Variants in GRIA4 observed in about 807,000 individuals in gnomAD.
GRIA4 encodes glutamate ionotropic receptor AMPA type subunit 4, also known as glutamate receptor 4.
In GRIA4, 34 loss-of-function variants were observed where a neutral mutation model predicts 104.0. The observed-to-expected ratio is 0.33, with a 90% confidence interval of 0.25 to 0.44. The LOEUF is 0.44. GRIA4 is among the 20% of genes least tolerant of loss of function. The probability of loss-of-function intolerance (pLI) is 1.00; values close to 1 mark genes in which losing one functional copy is unlikely to be tolerated. For synonymous variants in GRIA4, 386 were observed against 381.9 expected, an observed-to-expected ratio of 1.01 and a Z score of -0.13; for missense variants, 750 against 1,096.5, an observed-to-expected ratio of 0.68 and a Z score of 4.46.
At chr11:105,733,942 C>T (rs1207963887) in intron 3 of GRIA4, among the ~76,000 whole-genome samples, 1 of 149,918 alleles carries the variant, frequency 6.7e-6, no homozygotes, top group African/African-American at 2.4e-5. Flanking sequence ...TTCCTGTGTT[C>T]ATTTATGTTC....
chr11:105,865,102 T>A (rs772808511), intron 5 of GRIA4, among the ~76,000 whole-genome samples: 40 of 152,234 alleles, frequency 2.6e-4, no homozygotes, highest in Non-Finnish European at 4.7e-4. Flanking sequence ...TTCTTATAAA[T>A]GTATTGCTAT....
At chr11:105,962,545 T>C (rs1948768719) in intron 14 of GRIA4, among the ~76,000 whole-genome samples, 1 of 152,160 alleles carries the variant, frequency 6.6e-6, no homozygotes, top group Non-Finnish European at 1.5e-5. Flanking sequence ...TTGGAAGTTT[T>C]TCAGAAGTCC....
chr11:105,721,867 T>C (rs765427994), intron 3 of GRIA4, among the ~76,000 whole-genome samples: 2 of 152,122 alleles, frequency 1.3e-5, no homozygotes, highest in Non-Finnish European at 2.9e-5. Context: ...TTGCTTTTTG[T>C]AGAAAAACCA....
chr11:105,961,036 G>A (rs956026454), intron 14 of GRIA4, among the ~76,000 whole-genome samples: 1 of 152,068 alleles, frequency 6.6e-6, no homozygotes, highest in African/African-American at 2.4e-5. Flanking sequence ...GCCTCTGAAC[G>A]CCACAGCTTC....
At chr11:105,697,271 A>T (rs1953314493) in intron 3 of GRIA4, among the ~76,000 whole-genome samples, 1 of 152,226 alleles carries the variant, frequency 6.6e-6, no homozygotes. Flanking sequence ...TGAAGAGCTG[A>T]TGAAAGCTAG....
Position 105,806,717 on chromosome 11 carries a change from G to T in GRIA4, c.487+53497G>T, listed in dbSNP as rs1156507880. On this transcript the variant is annotated intron_variant, in intron 4 of 16. Transcript: ENST00000282499. Reference sequence around the variant, plus strand: ...TTTAGTGCCTTATTTGTAAATATTAGTGCACAGCCACTGAGAAATTCAAGA... The same window carrying T: ...TTTAGTGCCTTATTTGTAAATATTATTGCACAGCCACTGAGAAATTCAAGA... Among the ~76,000 whole-genome samples the T allele has an allele frequency of 4.6e-5, 7 of 151,112 alleles. No individual in the cohort carries two copies. In the East Asian group the frequency reaches 1.2e-3, roughly 25 times the overall value.
At chr11:105,625,853 T>A (rs1003843948) in intron 3 of GRIA4, among the ~76,000 whole-genome samples, 1 of 152,160 alleles carries the variant, frequency 6.6e-6, no homozygotes, top group Non-Finnish European at 1.5e-5. Context: ...AGAACATTTT[T>A]AAAAATTCAC....
At chr11:105,862,342 C>T in intron 5 of GRIA4, 134 bp downstream of exon 5, 1 of 613,444 alleles carries the variant, frequency 1.6e-6, no homozygotes. Flanking sequence ...CATTCCATGA[C>T]TATCTTCAGG....
chr11:105,931,681 G>A (rs926538625), intron 13 of GRIA4, among the ~76,000 whole-genome samples: 3 of 151,898 alleles, frequency 2.0e-5, no homozygotes, highest in Non-Finnish European at 4.4e-5. Flanking sequence ...TTTCAGCCTG[G>A]GTGACAGAGC....
chr11:105,832,158 AGT>A lies in GRIA4; in HGVS notation c.488-29864_488-29863del, dbSNP rs1943999827. On this transcript the variant is annotated intron_variant, in intron 4 of 16. Coordinates refer to ENST00000282499, the MANE Select transcript of GRIA4 (RefSeq NM_000829.4). ...AACCCTGCAATGTATGCAACCGAAA[AGT>A]GAGATCCAGTAGAGCATTCTGAGAA... is the stretch of plus-strand genomic sequence containing the variant. 3.3e-5 allele frequency among the ~76,000 whole-genome samples: 5 copies of A among 152,114 alleles called. No homozygotes were observed. The South Asian group carries it at 1.0e-3, about 32-fold the overall frequency.
At chr11:105,610,623 C>T in intron 1 of GRIA4, 195 bp downstream of exon 1, 1 of 194,854 alleles carries the variant, frequency 5.1e-6, no homozygotes, top group Non-Finnish European at 1.1e-5. Context: ...TGTGAGAAAG[C>T]AAGGGGCGAG....
At chr11:105,757,476 T>C (rs1490143835) in intron 4 of GRIA4, among the ~76,000 whole-genome samples, 2 of 152,094 alleles carry the variant, frequency 1.3e-5, no homozygotes, top group Non-Finnish European at 2.9e-5. Flanking sequence ...GCAGAGCAAC[T>C]AGCAGCAAAA....
At chr11:105,633,900 C>A (rs912496347) in intron 3 of GRIA4, among the ~76,000 whole-genome samples, 2 of 152,238 alleles carry the variant, frequency 1.3e-5, no homozygotes, top group African/African-American at 4.8e-5. Flanking sequence ...TTAGAACTAA[C>A]CTGGTGCTTA....
intron 4 of GRIA4, among the ~76,000 whole-genome samples, chr11:105,847,765 C>T (rs1944651681): frequency 1.3e-5 from 2 of 152,252 alleles, no homozygotes; most frequent in East Asian, 3.9e-4. Flanking sequence ...TTGATTGTGA[C>T]CTTAAAGTTC....
At chr11:105,663,726 G>A (rs376605369) in intron 3 of GRIA4, among the ~76,000 whole-genome samples, 18 of 151,892 alleles carry the variant, frequency 1.2e-4, no homozygotes, top group African/African-American at 4.3e-4. Context: ...CTCAAATATA[G>A]GGAAACTTTC....
At chr11:105,798,885 T>A (rs1942602365) in intron 4 of GRIA4, among the ~76,000 whole-genome samples, 1 of 152,150 alleles carries the variant, frequency 6.6e-6, no homozygotes, top group Admixed American at 6.6e-5. Context: ...TTTGAAGTGC[T>A]TATCATTAAA....
intron 16 of GRIA4, among the ~76,000 whole-genome samples, chr11:105,977,207 T>C (rs1859023477): frequency 6.6e-6 from 1 of 152,024 alleles, no homozygotes; most frequent in Non-Finnish European, 1.5e-5. Flanking sequence ...AATTGTCTAT[T>C]TTACTTAACA....
intron 4 of GRIA4, among the ~76,000 whole-genome samples, chr11:105,794,497 A>ATATATG (rs1942386247): frequency 8.3e-6 from 1 of 120,388 alleles, no homozygotes; most frequent in African/African-American, 3.3e-5. Context: ...ATATATATAT[A>ATATATG]TATATATATA....
intron 4 of GRIA4, among the ~76,000 whole-genome samples, chr11:105,792,762 G>T (rs1942269735): frequency 6.6e-6 from 1 of 151,982 alleles, no homozygotes; most frequent in African/African-American, 2.4e-5. Context: ...AAGTTGTTCA[G>T]TTCAATGAAA....
Sources: allele counts gnomAD v4.1 joint callset (sites outside exome capture counted in the v4.1 genomes callset), GRCh38; gene constraint gnomAD v4.1.1; transcripts MANE v1.5; gene names NCBI Gene and HGNC (gene_info 2026-07-23, HGNC 2026-07-21).